The following DTNB variants were observed in gnomAD, a reference collection of about 807,000 sequenced individuals.
The protein encoded by DTNB is dystrobrevin beta.
In DTNB, 63 loss-of-function variants were observed where a neutral mutation model predicts 90.7. That is an observed-to-expected ratio of 0.69 (90% confidence interval 0.57 to 0.86). The LOEUF (loss-of-function observed/expected upper bound fraction) is 0.86, where lower values mean the gene tolerates loss of function less well. Among genes scored for constraint, DTNB ranks in the 40% least tolerant of loss-of-function variants. The pLI, the probability that DTNB is intolerant of heterozygous loss-of-function variation, is 0.00. For synonymous variants in DTNB, 277 were observed against 286.7 expected (o/e 0.97, Z 0.34); for missense variants, 744 against 807.1 (o/e 0.92, Z 0.95).
intron 16 of DTNB, among the ~76,000 whole-genome samples, chr2:25,398,072 A>G (rs2042863735): frequency 1.3e-5 from 2 of 152,184 alleles, no homozygotes; most frequent in Non-Finnish European, 2.9e-5. Context: ...AGGCTGCTTC[A>G]TAACAGCATG....
intron 6 of DTNB, among the ~76,000 whole-genome samples, chr2:25,586,757 CT>C (rs1386560706): frequency 6.6e-6 from 1 of 151,912 alleles, no homozygotes; most frequent in Non-Finnish European, 1.5e-5. Context: ...AATCTGAAGC[CT>C]TTTTTGGAGG....
chr2:25,627,862 A>G (rs561202956), intron 4 of DTNB, among the ~76,000 whole-genome samples: 115 of 151,382 alleles, frequency 7.6e-4, no homozygotes, highest in African/African-American at 2.0e-3. Flanking sequence ...TCAGCCTCCT[A>G]AGTAGCTGAG....
intron 12 of DTNB, among the ~76,000 whole-genome samples, chr2:25,451,142 A>C (rs888004198): frequency 1.3e-5 from 2 of 152,116 alleles, no homozygotes; most frequent in Non-Finnish European, 2.9e-5. Flanking sequence ...GTGTTTTTTT[A>C]GATTTCTTAG....
intron 10 of DTNB, among the ~76,000 whole-genome samples, chr2:25,463,381 CT>C (rs2061310044): frequency 6.6e-6 from 1 of 152,208 alleles, no homozygotes. Flanking sequence ...TCCTGAGCAA[CT>C]TCTTAGGAGT....
At chr2:25,552,356 C>T (rs2056441848) in intron 8 of DTNB, among the ~76,000 whole-genome samples, 1 of 152,182 alleles carries the variant, frequency 6.6e-6, no homozygotes, top group Admixed American at 6.5e-5. Context: ...AAGGTAGCTT[C>T]CTGTTTTCCT....
chr2:25,514,969 C>T (rs1411588024), intron 9 of DTNB, among the ~76,000 whole-genome samples: 1 of 152,064 alleles, frequency 6.6e-6, no homozygotes, highest in African/African-American at 2.4e-5. Flanking sequence ...AGGCGTGAGT[C>T]ACCGCGCCCA....
At chr2:25,661,081 A>G (rs1228252255) in intron 1 of DTNB, among the ~76,000 whole-genome samples, 2 of 152,188 alleles carry the variant, frequency 1.3e-5, no homozygotes, top group Non-Finnish European at 2.9e-5. Flanking sequence ...TTTACTGGTC[A>G]TATGTGTTTC....
At chr2:25,569,490 G>A (rs1260934775) in intron 8 of DTNB, among the ~76,000 whole-genome samples, 1 of 152,126 alleles carries the variant, frequency 6.6e-6, no homozygotes, top group East Asian at 1.9e-4. Flanking sequence ...GTTGGTTTTA[G>A]AGAAGGAAAT....
At position 25,464,572 on chromosome 2, in the gene DTNB, G is replaced by A. The variant is rs538387664; in HGVS notation, c.1080-9078C>T. ...GGTGTAGATACTTCCCTCTCCAGGC[G>A]AGTAGAGCTTAATTCCTCACCCCTG... On this transcript the variant is annotated intron_variant, in intron 10 of 20. Coordinates refer to ENST00000406818, the MANE Select transcript of DTNB (RefSeq NM_021907.5). Among the ~76,000 whole-genome samples the A allele has an allele frequency of 1.4e-4, 21 of 151,524 alleles. No homozygotes were observed. The East Asian group carries it at 3.9e-3, about 28-fold the overall frequency.
chr2:25,665,940 G>A (rs1048358628), intron 1 of DTNB, among the ~76,000 whole-genome samples: 2 of 152,086 alleles, frequency 1.3e-5, no homozygotes, highest in Non-Finnish European at 2.9e-5. Context: ...ACGGGGCTGT[G>A]GTAACTCTTA....
At chr2:25,639,893 G>GAGAAGA (rs2077878702) in intron 2 of DTNB, among the ~76,000 whole-genome samples, 1 of 152,216 alleles carries the variant, frequency 6.6e-6, no homozygotes, top group African/African-American at 2.4e-5. Context: ...AGGCCACAGT[G>GAGAAGA]AGAAGATCGT....
intron 9 of DTNB, among the ~76,000 whole-genome samples, chr2:25,496,058 C>T: frequency 6.6e-6 from 1 of 152,180 alleles, no homozygotes; most frequent in East Asian, 1.9e-4. Flanking sequence ...TAGATAGTGT[C>T]TAGAGACATG....
At chr2:25,540,721 C>G (rs840001) in intron 8 of DTNB, among the ~76,000 whole-genome samples, 41,774 of 151,786 alleles carry the variant, frequency 0.28, 6,360 homozygotes, top group East Asian at 0.51. Flanking sequence ...GCCTTGGGAT[C>G]CTGTTGATCT....
At chr2:25,580,077 G>A (rs1226347212) in intron 7 of DTNB, among the ~76,000 whole-genome samples, 1 of 144,730 alleles carries the variant, frequency 6.9e-6, no homozygotes, top group Non-Finnish European at 1.5e-5. Flanking sequence ...CACCTCCCAG[G>A]TTCAAGCAAT....
At chr2:25,439,162 T>C (rs1045371835) in intron 12 of DTNB, among the ~76,000 whole-genome samples, 2 of 152,170 alleles carry the variant, frequency 1.3e-5, no homozygotes, top group African/African-American at 4.8e-5. Context: ...GTATCAATAT[T>C]GCTTCACTAA....
chr2:25,421,964 G>A (rs1023433281), intron 15 of DTNB, among the ~76,000 whole-genome samples: 5 of 152,190 alleles, frequency 3.3e-5, no homozygotes, highest in African/African-American at 1.2e-4. Context: ...GGGAGAGAAT[G>A]GACTTTGGCA....
chr2:25,445,467 G>A (rs2058260308), intron 12 of DTNB, among the ~76,000 whole-genome samples: 1 of 152,122 alleles, frequency 6.6e-6, no homozygotes, highest in Non-Finnish European at 1.5e-5. Context: ...ACTTTTTGGG[G>A]GAGAAACAAA....
intron 9 of DTNB, among the ~76,000 whole-genome samples, chr2:25,511,632 G>T (rs1202333240): frequency 6.6e-6 from 1 of 152,094 alleles, no homozygotes; most frequent in Non-Finnish European, 1.5e-5. Context: ...GCGCCCAATC[G>T]GGTTACTTTT....
chr2:25,670,808 A>G (rs1195518493), intron 1 of DTNB, among the ~76,000 whole-genome samples: 1 of 152,248 alleles, frequency 6.6e-6, no homozygotes. Flanking sequence ...TACAAAGTAT[A>G]CAGCAGTCTC....
Sources: gnomAD v4.1 joint callset for allele counts (sites outside exome capture counted in the v4.1 genomes callset) on GRCh38, gnomAD v4.1.1 for gene constraint, MANE v1.5 for transcripts, NCBI Gene and HGNC (gene_info 2026-07-23, HGNC 2026-07-21) for gene names.